Variants in CREBL2 observed in about 807,000 individuals in gnomAD.
The protein encoded by CREBL2 is cAMP responsive element binding protein like 2, also known as cAMP-responsive element-binding protein-like 2.
CREBL2 carries 4 observed loss-of-function variants against 19.5 expected under a neutral mutation model. The ratio of observed to expected loss-of-function variants is 0.20; its 90% CI spans 0.10 to 0.47. The LOEUF is 0.47. CREBL2 is among the 20% of genes least tolerant of loss of function. The probability of loss-of-function intolerance (pLI) is 0.98; values close to 1 mark genes in which losing one functional copy is unlikely to be tolerated. For synonymous variants in CREBL2, 42 were observed against 46.6 expected (o/e 0.90, Z 0.40); for missense variants, 85 against 145.1 (o/e 0.59, Z 2.13).
Position 12,612,168 on chromosome 12 carries a change from C to A in CREBL2, c.-5C>A, listed in dbSNP as rs370257733. ...GTGCCTGGCCAGGCCGGCCTGTCTG[C>A]CGCGATGGATGACAGTAAGGTAAGT... On this transcript the variant is annotated 5_prime_UTR_variant, in exon 1 of 4. Coordinates refer to ENST00000228865, the MANE Select transcript of CREBL2 (RefSeq NM_001310.4). 2.9e-5 allele frequency: 47 copies of A among 1,612,886 alleles called. No individual in the cohort carries two copies. The highest frequency in any genetic ancestry group is 3.3e-4 in the Middle Eastern group (2 of 6,062).
At chr12:12,627,705 T>C (rs534609437) in intron 1 of CREBL2, among the ~76,000 whole-genome samples, 2 of 152,246 alleles carry the variant, frequency 1.3e-5, no homozygotes, top group Non-Finnish European at 2.9e-5. Flanking sequence ...AGTTCTAATG[T>C]GGACCTATGT....
At chr12:12,612,228 C>G in intron 1 of CREBL2, 41 bp downstream of exon 1, 1 of 1,613,240 alleles carries the variant, frequency 6.2e-7, no homozygotes, top group Non-Finnish European at 8.5e-7. Flanking sequence ...CTTCTTGTCG[C>G]TCAATGCTAG....
At chr12:12,614,982 C>T (rs1278519001) in intron 1 of CREBL2, 4 of 189,984 alleles carry the variant, frequency 2.1e-5, no homozygotes, top group Non-Finnish European at 3.3e-5. Context: ...CCCAGTCTCC[C>T]GAGTAGGTGT....
intron 1 of CREBL2, among the ~76,000 whole-genome samples, chr12:12,631,591 G>A (rs750071668): frequency 2.6e-5 from 4 of 152,184 alleles, no homozygotes; most frequent in Non-Finnish European, 5.9e-5. Context: ...GGTTATCATT[G>A]AGTTTGTGAA....
At chr12:12,639,316 C>T (rs1024612413) in intron 3 of CREBL2, among the ~76,000 whole-genome samples, 1 of 152,106 alleles carries the variant, frequency 6.6e-6, no homozygotes, top group Non-Finnish European at 1.5e-5. Flanking sequence ...GTATGTATAC[C>T]TAGGAGTCAA....
chr12:12,628,609 G>C (rs530669816), intron 1 of CREBL2, among the ~76,000 whole-genome samples: 2 of 152,116 alleles, frequency 1.3e-5, no homozygotes, highest in South Asian at 4.2e-4. Context: ...TTAGGCCTTT[G>C]TTCTATTTTT....
At chr12:12,614,467 CTTT>C (rs34307341) in intron 1 of CREBL2, 17 of 128,486 alleles carry the variant, frequency 1.3e-4, no homozygotes, top group Admixed American at 1.7e-4. Context: ...ATTTAGTTTC[CTTT>C]TTTTTTTTTT....
rs1292192237 is a variant in CREBL2 at position 12,628,727 on chromosome 12, C to T, written c.16-7050C>T. ...CCTGGGCTCAAGAGATCCTCTCGCC[C>T]CAGCCTCCCAAAGTGCTGGGATTAC... On this transcript the variant is annotated intron_variant, in intron 1 of 3. Coordinates refer to ENST00000228865, the MANE Select transcript of CREBL2 (RefSeq NM_001310.4). 2.0e-5 allele frequency among the ~76,000 whole-genome samples: 3 copies of T among 151,790 alleles called. No individual in the cohort carries two copies. In the East Asian group the frequency reaches 5.8e-4, roughly 30 times the overall value.
chr12:12,625,032 A>G (rs148434873), intron 1 of CREBL2, among the ~76,000 whole-genome samples: 1 of 152,198 alleles, frequency 6.6e-6, no homozygotes, highest in Non-Finnish European at 1.5e-5. Flanking sequence ...CTCTGAAGTC[A>G]AGCCACTTCT....
rs1592235161 is a variant in CREBL2, at chr12:12,611,948, G to A, written c.-225G>A. ...TGGAGGGGGAGGAGGAGGCGGCGGC[G>A]GCGAAGGGAGGCGTTTGGGGCCGCC... On this transcript the variant is annotated 5_prime_UTR_variant, in exon 1 of 4. Coordinates refer to ENST00000228865, the MANE Select transcript of CREBL2 (RefSeq NM_001310.4). 1.7e-6 allele frequency: 1 copy of A among 581,064 alleles called. No homozygotes were observed. The highest frequency in any genetic ancestry group is 3.0e-6 in the Non-Finnish European group (1 of 330,026). 36.0% of individuals were successfully genotyped at this position (581,064 alleles called of 1,614,324 possible). A position where few individuals can be genotyped will look rare whatever the true frequency, so the allele number is the denominator to read the frequency against.
intron 1 of CREBL2, among the ~76,000 whole-genome samples, chr12:12,621,312 A>G (rs1432685109): frequency 1.3e-5 from 2 of 152,224 alleles, no homozygotes. Context: ...TGAGGTCAGG[A>G]GTTCGAGACC....
chr12:12,619,784 C>T (rs1945346573), intron 1 of CREBL2, among the ~76,000 whole-genome samples: 1 of 152,164 alleles, frequency 6.6e-6, no homozygotes. Context: ...CGTCAAGATC[C>T]AGTTGAGGGA....
intron 1 of CREBL2, among the ~76,000 whole-genome samples, chr12:12,625,209 G>C (rs1374773020): frequency 6.6e-6 from 1 of 152,162 alleles, no homozygotes; most frequent in Non-Finnish European, 1.5e-5. Context: ...TTTTCGGCTT[G>C]AGGATGGGGT....
At chr12:12,623,359 T>A (rs915100404) in intron 1 of CREBL2, among the ~76,000 whole-genome samples, 4 of 151,706 alleles carry the variant, frequency 2.6e-5, no homozygotes, top group South Asian at 2.1e-4. Flanking sequence ...AAAAAAAAAA[T>A]AAAGCATATA....
chr12:12,637,744 T>G (rs765610248), intron 3 of CREBL2, 30 bp downstream of exon 3: 2 of 1,584,140 alleles, frequency 1.3e-6, no homozygotes, highest in Non-Finnish European at 1.7e-6. Flanking sequence ...GAATTTATAT[T>G]TAAGAGAGTG....
chr12:12,634,329 C>G (rs1945459623), intron 1 of CREBL2, among the ~76,000 whole-genome samples: 1 of 152,194 alleles, frequency 6.6e-6, no homozygotes, highest in Non-Finnish European at 1.5e-5. Context: ...GATTAAATTA[C>G]TTTGGCAGTC....
At position 12,629,895 on chromosome 12, in the gene CREBL2, G is replaced by C. The variant is rs187999228; in HGVS notation, c.16-5882G>C. ...CAAGTTTTGTCCTTTTTTTCCTGTT[G>C]ATACAGTGTATTATAGTAATTGATT... On this transcript the variant is annotated intron_variant, in intron 1 of 3. Coordinates refer to ENST00000228865, the MANE Select transcript of CREBL2 (RefSeq NM_001310.4). 7.8e-4 allele frequency among the ~76,000 whole-genome samples: 119 copies of C among 152,060 alleles called. 1 individual carries two copies. The highest frequency in any genetic ancestry group is 2.6e-3 in the Admixed American group (40 of 15,274).
intron 3 of CREBL2, among the ~76,000 whole-genome samples, chr12:12,640,071 T>C (rs1023874337): frequency 6.6e-6 from 1 of 152,154 alleles, no homozygotes; most frequent in Non-Finnish European, 1.5e-5. Context: ...TGTTCAGCAG[T>C]GCACATATTG....
chr12:12,643,367 C>G lies in CREBL2; in HGVS notation c.*1369C>G, dbSNP rs1945540583. 1 of 152,652 alleles carries G rather than the reference C, an allele frequency of 6.6e-6. No homozygotes were observed. Among genetic ancestry groups the G allele is most frequent in the Non-Finnish European group, 1.5e-5 (1 of 68,048 alleles). 9.5% of individuals were successfully genotyped at this position (152,652 alleles called of 1,614,324 possible). On this transcript the variant is annotated 3_prime_UTR_variant, in exon 4 of 4. Coordinates refer to ENST00000228865, the MANE Select transcript of CREBL2 (RefSeq NM_001310.4). ...TCCCCAGCGAGATACTTACCACTCTCTCTTCTCTTTCCCATGGTTAAAACA... is the reference window on the plus strand; with the variant it reads ...TCCCCAGCGAGATACTTACCACTCTGTCTTCTCTTTCCCATGGTTAAAACA...
Sources: allele counts gnomAD v4.1 joint callset (sites outside exome capture counted in the v4.1 genomes callset), GRCh38; gene constraint gnomAD v4.1.1; transcripts MANE v1.5; gene names NCBI Gene and HGNC (gene_info 2026-07-23, HGNC 2026-07-21).